The following BICC1 variants were observed in gnomAD, a reference collection of about 807,000 sequenced individuals.
BICC1 encodes the protein BicC family RNA binding protein 1, also known as protein bicaudal C homolog 1.
In BICC1, 43 loss-of-function variants were observed where a neutral mutation model predicts 111.0. The ratio of observed to expected loss-of-function variants is 0.39; its 90% CI spans 0.30 to 0.50. The LOEUF is 0.50. Ranked by LOEUF, BICC1 falls within the 20% of genes least tolerant of loss-of-function variation. The pLI, the probability that BICC1 is intolerant of heterozygous loss-of-function variation, is 0.88. For missense variants in BICC1, 1,091 were observed against 1,203.2 expected (o/e 0.91, Z 1.38); for synonymous variants, 467 against 434.4 (o/e 1.07, Z -0.93).
chr10:58,558,353 G>A (rs530290917), intron 1 of BICC1, among the ~76,000 whole-genome samples: 156 of 152,134 alleles, frequency 1.0e-3, no homozygotes, highest in African/African-American at 3.7e-3. Flanking sequence ...TGGTCTCTTT[G>A]GTTTCCAGGC....
chr10:58,657,112 G>A (rs1185091565), intron 2 of BICC1, among the ~76,000 whole-genome samples: 2 of 152,064 alleles, frequency 1.3e-5, no homozygotes, highest in Non-Finnish European at 2.9e-5. Context: ...CCTCACGTGC[G>A]CCATTCCATC....
At chr10:58,570,728 G>A (rs112996585) in intron 1 of BICC1, among the ~76,000 whole-genome samples, 108 of 152,222 alleles carry the variant, frequency 7.1e-4, no homozygotes, top group Admixed American at 1.2e-3. Context: ...TTAAAGGTCA[G>A]GGAAGTTATG....
intron 3 of BICC1, among the ~76,000 whole-genome samples, chr10:58,703,401 A>G (rs968612114): frequency 9.2e-5 from 14 of 152,118 alleles, no homozygotes; most frequent in Admixed American, 7.9e-4. Flanking sequence ...AGTTCAAGCA[A>G]TTCTCCTGCC....
chr10:58,675,978 C>T lies in BICC1; in HGVS notation c.238-26096C>T, dbSNP rs187968408. ...CTGGTTAGACAGTGGGTGCAGCCCA[C>T]GGAGAGTGAGCAGAAGCAGGGTGGG... is the stretch of plus-strand genomic sequence containing the variant. On this transcript the variant is annotated intron_variant, in intron 2 of 20. Transcript: ENST00000373886. 4.6e-5 allele frequency among the ~76,000 whole-genome samples: 7 copies of T among 152,206 alleles called. No homozygotes were observed. The East Asian group carries it at 7.8e-4, about 17-fold the overall frequency.
At chr10:58,592,930 G>A (rs967887831) in intron 1 of BICC1, among the ~76,000 whole-genome samples, 4 of 148,890 alleles carry the variant, frequency 2.7e-5, no homozygotes, top group South Asian at 4.3e-4. Context: ...CCAAGTGTTC[G>A]GGCTCGGTGG....
rs142435870 is a variant in BICC1, at chr10:58,532,766, A to T, written c.190+19433A>T. Among the ~76,000 whole-genome samples, 466 of 151,990 alleles carry T rather than the reference A, an allele frequency of 3.1e-3. 4 individuals are homozygous for T. Among genetic ancestry groups the T allele is most frequent in the African/African-American group, 0.011 (442 of 41,534 alleles). ...CAAAGTTGAACAAATTTTCCACTCAATGGGTGCCAAAACTGTTGTGCTAAG... is the reference window on the plus strand; with the variant it reads ...CAAAGTTGAACAAATTTTCCACTCATTGGGTGCCAAAACTGTTGTGCTAAG... On this transcript the variant is annotated intron_variant, in intron 1 of 20. Transcript: ENST00000373886.
chr10:58,615,414 C>T (rs943486053), intron 1 of BICC1, among the ~76,000 whole-genome samples: 1 of 152,188 alleles, frequency 6.6e-6, no homozygotes, highest in Non-Finnish European at 1.5e-5. Flanking sequence ...AGGCTCCCAA[C>T]TCCACTCATT....
chr10:58,639,397 A>ATTT (rs5785335), intron 2 of BICC1, among the ~76,000 whole-genome samples: 58 of 138,566 alleles, frequency 4.2e-4, no homozygotes, highest in African/African-American at 1.0e-3. Context: ...TGCCATTTAA[A>ATTT]TTTTTTTTTT....
chr10:58,786,774 A>G (rs906845247), intron 4 of BICC1, 149 bp from the exon 5 acceptor site: 1 of 430,376 alleles, frequency 2.3e-6, no homozygotes, highest in African/African-American at 2.0e-5. Context: ...ATAGCAGGAG[A>G]ACACTTATAG....
At chr10:58,541,874 G>T (rs1842992684) in intron 1 of BICC1, among the ~76,000 whole-genome samples, 1 of 152,052 alleles carries the variant, frequency 6.6e-6, no homozygotes, top group Non-Finnish European at 1.5e-5. Context: ...TATAAGCCCA[G>T]TGTGGTGGCT....
intron 18 of BICC1, among the ~76,000 whole-genome samples, chr10:58,815,072 T>C (rs1342499859): frequency 1.3e-5 from 2 of 151,482 alleles, no homozygotes; most frequent in Non-Finnish European, 2.9e-5. Context: ...AGAGCTGACA[T>C]TGTCATCACA....
chr10:58,530,362 C>T (rs1842648319), intron 1 of BICC1, among the ~76,000 whole-genome samples: 1 of 151,750 alleles, frequency 6.6e-6, no homozygotes, highest in Admixed American at 6.6e-5. Context: ...AAATTGTCCA[C>T]CTAAGGAATT....
chr10:58,580,329 T>C (rs1230201534), intron 1 of BICC1, among the ~76,000 whole-genome samples: 1 of 152,152 alleles, frequency 6.6e-6, no homozygotes, highest in Non-Finnish European at 1.5e-5. Flanking sequence ...TGGCCTCTCT[T>C]AGCAAATTTT....
intron 2 of BICC1, among the ~76,000 whole-genome samples, chr10:58,647,749 T>C (rs1319033912): frequency 6.6e-6 from 1 of 151,856 alleles, no homozygotes; most frequent in Non-Finnish European, 1.5e-5. Flanking sequence ...CAAGAATGTG[T>C]GCTTAAGGGA....
intron 1 of BICC1, among the ~76,000 whole-genome samples, chr10:58,539,391 T>A (rs1658460): frequency 1.3e-5 from 2 of 150,976 alleles, no homozygotes; most frequent in Non-Finnish European, 3.0e-5. Flanking sequence ...CTCAGAAGGC[T>A]GGCAAGCAGG....
At chr10:58,605,938 T>C (rs527710807) in intron 1 of BICC1, among the ~76,000 whole-genome samples, 1 of 152,338 alleles carries the variant, frequency 6.6e-6, no homozygotes, top group Non-Finnish European at 1.5e-5. Flanking sequence ...AATTGCCTTG[T>C]TCTTTTCTTC....
intron 1 of BICC1, 86 bp from the exon 2 acceptor site, chr10:58,620,769 T>C: frequency 7.6e-7 from 1 of 1,309,458 alleles, no homozygotes; most frequent in Non-Finnish European, 1.1e-6. Flanking sequence ...TCTTGTTTGC[T>C]TTTGCATTCT....
At position 58,800,277 on chromosome 10, in the gene BICC1, C is replaced by T. The variant is rs1589151577; in HGVS notation, c.1809C>T (p.Ile603=). 5.0e-6 allele frequency: 8 copies of T among 1,613,696 alleles called. No individual in the cohort carries two copies. The highest frequency in any genetic ancestry group is 3.3e-4 in the Middle Eastern group (2 of 6,056). The change falls in exon 13 of 21, where the codon ATC becomes ATT. Residue 603 remains isoleucine, a synonymous_variant. Transcript: ENST00000373886. ...VLSANHGDPS[I]QTSGSEQTSP... ...GTGCAAATCACGGGGATCCGTCCAT[C>T]CAGACAAGTGGGTCTGAGCAGACAT...
intron 3 of BICC1, among the ~76,000 whole-genome samples, chr10:58,758,348 A>G (rs1008136135): frequency 1.3e-5 from 2 of 152,186 alleles, no homozygotes; most frequent in Admixed American, 1.3e-4. Flanking sequence ...ATGATTACTA[A>G]TGTATTCTTC....
Sources: allele counts gnomAD v4.1 joint callset (sites outside exome capture counted in the v4.1 genomes callset), GRCh38; gene constraint gnomAD v4.1.1; transcripts MANE v1.5; gene names NCBI Gene and HGNC (gene_info 2026-07-23, HGNC 2026-07-21).